FILIP1: variants seen among roughly 807,000 people sequenced by gnomAD.
FILIP1 encodes filamin-A-interacting protein 1.
FILIP1 carries 61 observed loss-of-function variants against 102.1 expected under a neutral mutation model. The observed-to-expected ratio is 0.60, with a 90% confidence interval of 0.49 to 0.74. The LOEUF (loss-of-function observed/expected upper bound fraction) is 0.74. Among genes scored for constraint, FILIP1 ranks in the 30% least tolerant of loss-of-function variants. The probability of loss-of-function intolerance (pLI) is 0.00; values close to 1 mark genes in which losing one functional copy is unlikely to be tolerated. For missense variants in FILIP1, 1,314 were observed against 1,441.2 expected (o/e 0.91, Z 1.43); for synonymous variants, 491 against 526.9 (o/e 0.93, Z 0.93).
chr6:75,460,229 T>C (rs911838398), intron 1 of FILIP1, among the ~76,000 whole-genome samples: 2 of 152,166 alleles, frequency 1.3e-5, no homozygotes, highest in Non-Finnish European at 2.9e-5. Flanking sequence ...TCAAGCTAAC[T>C]AGAACCCTCA....
intron 4 of FILIP1, among the ~76,000 whole-genome samples, chr6:75,326,203 C>T (rs1000938953): frequency 2.6e-5 from 4 of 152,070 alleles, no homozygotes; most frequent in Admixed American, 2.6e-4. Flanking sequence ...TCACAGCAAC[C>T]TGGATGGAGT....
At chr6:75,321,696 AG>A (rs1196293154) in intron 4 of FILIP1, among the ~76,000 whole-genome samples, 1 of 134,838 alleles carries the variant, frequency 7.4e-6, no homozygotes. Flanking sequence ...CGGGAGGCTG[AG>A]GCAGGAGAAT....
intron 2 of FILIP1, among the ~76,000 whole-genome samples, chr6:75,392,109 T>C (rs966958077): frequency 4.6e-5 from 7 of 152,158 alleles, no homozygotes; most frequent in Non-Finnish European, 7.4e-5. Context: ...TTTTCCTCTT[T>C]CCTCTCAAAC....
At chr6:75,405,083 A>G (rs116857161) in intron 2 of FILIP1, among the ~76,000 whole-genome samples, 3,282 of 152,280 alleles carry the variant, frequency 0.022, 57 homozygotes, top group Non-Finnish European at 0.033. Context: ...GAACATAGGA[A>G]ATGTCCCCAT....
intron 3 of FILIP1, chr6:75,361,032 T>C (rs551871646): frequency 6.6e-6 from 1 of 152,346 alleles, no homozygotes; most frequent in African/African-American, 2.4e-5. Flanking sequence ...GGACTTCATT[T>C]TGGCAGTATC....
Position 75,456,780 on chromosome 6 carries a change from G to A in FILIP1, c.-7+36634C>T, listed in dbSNP as rs113080136. On this transcript the variant is annotated intron_variant, in intron 1 of 5. Transcript: ENST00000237172. ...TCACCATGTTGGCCAGGATGGTCTC[G>A]ATCTCTTGACCTCGTGATCCGCGCG... Among the ~76,000 whole-genome samples the A allele has an allele frequency of 5.9e-4, 89 of 152,106 alleles. 1 individual carries two copies. Among genetic ancestry groups the A allele is most frequent in the African/African-American group, 2.0e-3 (84 of 41,528 alleles).
At chr6:75,486,361 C>T (rs1053946446) in intron 1 of FILIP1, among the ~76,000 whole-genome samples, 1 of 152,164 alleles carries the variant, frequency 6.6e-6, no homozygotes, top group African/African-American at 2.4e-5. Flanking sequence ...CTAGCTCATC[C>T]AGGGTGGCCC....
At chr6:75,303,530 T>G (rs547121609), downstream of FILIP1, among the ~76,000 whole-genome samples, 1 of 152,152 alleles carries the variant, frequency 6.6e-6, no homozygotes. Flanking sequence ...TTGCCCTTAC[T>G]AGAGACCAGA....
chr6:75,312,719 TTG>T lies in FILIP1; in HGVS notation c.3111_3112del (p.Lys1038SerfsTer28). ...AACAGTCTGTTTTTCTGGGGTGACT[TTG>T]AGGATTGTCCGTCCCATGGGCATTT... On this transcript the variant is annotated frameshift_variant, in exon 5 of 6. Transcript: ENST00000237172. LOFTEE classifies it high-confidence loss of function. The T allele has an allele frequency of 6.2e-7, 1 of 1,614,202 alleles. No homozygotes were observed. Among genetic ancestry groups the T allele is most frequent in the Non-Finnish European group, 8.5e-7 (1 of 1,180,054 alleles).
chr6:75,401,256 T>A (rs931218712), intron 2 of FILIP1, among the ~76,000 whole-genome samples: 1 of 151,800 alleles, frequency 6.6e-6, no homozygotes, highest in Non-Finnish European at 1.5e-5. Flanking sequence ...TTGAGAACTA[T>A]GTCTTCCTGA....
chr6:75,475,953 A>C (rs1779462451), intron 1 of FILIP1, among the ~76,000 whole-genome samples: 1 of 152,182 alleles, frequency 6.6e-6, no homozygotes, highest in South Asian at 2.1e-4. Context: ...CATTAAAAGT[A>C]ACATTGGCCA....
chr6:75,307,186 G>A (rs1225745688), downstream of FILIP1, among the ~76,000 whole-genome samples: 1 of 152,012 alleles, frequency 6.6e-6, no homozygotes, highest in Non-Finnish European at 1.5e-5. Context: ...AATACTATGA[G>A]GCATCTACAT....
intron 4 of FILIP1, among the ~76,000 whole-genome samples, chr6:75,322,384 C>T (rs112920336): frequency 3.7e-4 from 57 of 152,284 alleles, no homozygotes; most frequent in African/African-American, 1.3e-3. Context: ...TCTCCATTCT[C>T]TTCTCCGCTC....
intron 4 of FILIP1, among the ~76,000 whole-genome samples, chr6:75,340,656 T>C (rs1039456409): frequency 6.6e-6 from 1 of 152,106 alleles, no homozygotes; most frequent in African/African-American, 2.4e-5. Flanking sequence ...TTTCTGCTTG[T>C]TTTTGGTTTC....
intron 3 of FILIP1, among the ~76,000 whole-genome samples, chr6:75,355,257 T>C (rs576042943): frequency 6.6e-6 from 1 of 152,020 alleles, no homozygotes; most frequent in East Asian, 1.9e-4. Context: ...ATCACACCAC[T>C]GCACTACAGC....
intron 5 of FILIP1, among the ~76,000 whole-genome samples, chr6:75,310,761 T>A (rs1773155160): frequency 1.3e-5 from 2 of 152,212 alleles, no homozygotes; most frequent in African/African-American, 4.8e-5. Flanking sequence ...AACCAAGCTA[T>A]GCTCTATGTT....
In FILIP1 at chr6:75,295,847, G is replaced by T. The variant is rs1772652646; in HGVS notation, c.*63C>A. 5 of 1,106,538 alleles carry T rather than the reference G, an allele frequency of 4.5e-6. No homozygotes were observed. The East Asian group carries it at 1.6e-4, about 35-fold the overall frequency. 68.5% of individuals were successfully genotyped at this position (1,106,538 alleles called of 1,614,324 possible). Reference sequence around the variant, plus strand: ...TGGAGGACCTTAGTCATGATTGAGGGCTGTCCATTCAATAGGGATTCAGAG... The same window carrying T: ...TGGAGGACCTTAGTCATGATTGAGGTCTGTCCATTCAATAGGGATTCAGAG... On this transcript the variant is annotated 3_prime_UTR_variant, in exon 7 of 7. Transcript: ENST00000393004.
intron 1 of FILIP1, among the ~76,000 whole-genome samples, chr6:75,481,680 C>A (rs1260119835): frequency 2.6e-5 from 4 of 152,184 alleles, no homozygotes; most frequent in African/African-American, 4.8e-5. Flanking sequence ...ATCCTATGTT[C>A]TATCAGTTCA....
chr6:75,401,752 C>A (rs1562550411), intron 2 of FILIP1, among the ~76,000 whole-genome samples: 1 of 152,082 alleles, frequency 6.6e-6, no homozygotes, highest in African/African-American at 2.4e-5. Flanking sequence ...TACATAATAT[C>A]TCTCCTGGAA....
Sources: allele counts gnomAD v4.1 joint callset (sites outside exome capture counted in the v4.1 genomes callset), GRCh38; gene constraint gnomAD v4.1.1; transcripts MANE v1.5; gene names NCBI Gene and HGNC (gene_info 2026-07-23, HGNC 2026-07-21).